KCNIP1: variants seen among roughly 807,000 people sequenced by gnomAD.
KCNIP1 encodes A-type potassium channel modulatory protein KCNIP1.
KCNIP1 carries 18 observed loss-of-function variants against 33.0 expected under a neutral mutation model. That is an observed-to-expected ratio of 0.55 (90% CI 0.38 to 0.81). The LOEUF (loss-of-function observed/expected upper bound fraction) is 0.81. KCNIP1 is among the 30% of genes least tolerant of loss of function. The pLI, the probability that KCNIP1 is intolerant of heterozygous loss-of-function variation, is 0.00. For missense variants in KCNIP1, 238 were observed against 271.6 expected, an observed-to-expected ratio of 0.88 and a Z score of 0.87; for synonymous variants, 93 against 98.3, an observed-to-expected ratio of 0.95 and a Z score of 0.32.
intron 1 of KCNIP1, among the ~76,000 whole-genome samples, chr5:170,531,647 C>T (rs1417831161): frequency 2.0e-5 from 3 of 152,180 alleles, no homozygotes; most frequent in East Asian, 1.9e-4. Context: ...TTTGATAATT[C>T]GCTTTGTTGA....
intron 5 of KCNIP1, among the ~76,000 whole-genome samples, chr5:170,728,452 T>C (rs865818945): frequency 1.3e-5 from 2 of 152,206 alleles, no homozygotes; most frequent in African/African-American, 4.8e-5. Flanking sequence ...GAAAATCAAC[T>C]TAAAACAACT....
At chr5:170,704,458 G>C (rs1439514725) in intron 1 of KCNIP1, among the ~76,000 whole-genome samples, 2 of 107,226 alleles carry the variant, frequency 1.9e-5, no homozygotes, top group Admixed American at 8.2e-5. Flanking sequence ...TACCTCACAG[G>C]GGTTAAGCAA....
At chr5:170,520,718 G>A (rs7443451) in intron 1 of KCNIP1, among the ~76,000 whole-genome samples, 41,009 of 152,016 alleles carry the variant, frequency 0.27, 5,726 homozygotes, top group East Asian at 0.45. Flanking sequence ...CCTCACTCTC[G>A]CCCACCATTG....
upstream of KCNIP1, chr5:170,503,962 C>G: frequency 6.1e-6 from 5 of 816,620 alleles, no homozygotes; most frequent in African/African-American, 1.9e-5. Flanking sequence ...CTCGCCCCCG[C>G]CCCGCCCCTC....
rs11299791 is a variant in KCNIP1 at position 170,674,975 on chromosome 5, G to GT, written c.62-43770dup. Among the ~76,000 whole-genome samples, 803 of 145,782 alleles carry GT rather than the reference G, an allele frequency of 5.5e-3. 4 individuals are homozygous for GT. The highest frequency in any genetic ancestry group is 0.022 in the East Asian group (109 of 4,988). On this transcript the variant is annotated intron_variant, in intron 1 of 7. Coordinates refer to ENST00000328939, the MANE Select transcript of KCNIP1 (RefSeq NM_014592.4). ...CTAGATGCACAGAGGGTTTTGTTTTGTTTTTTTTTTTTTAACCTTTCAGCA... is the reference window on the plus strand; with the variant it reads ...CTAGATGCACAGAGGGTTTTGTTTTGTTTTTTTTTTTTTTAACCTTTCAGCA...
chr5:170,394,881 G>C (rs948289866), intron 1 of KCNIP1, among the ~76,000 whole-genome samples: 1 of 152,162 alleles, frequency 6.6e-6, no homozygotes, highest in Non-Finnish European at 1.5e-5. Context: ...AATTTGCTTA[G>C]CATAATGGCC....
At chr5:170,594,624 C>A (rs2113562777) in intron 1 of KCNIP1, among the ~76,000 whole-genome samples, 1 of 152,324 alleles carries the variant, frequency 6.6e-6, no homozygotes, top group South Asian at 2.1e-4. Context: ...AATTCTCCTG[C>A]CTCAGCCTCC....
chr5:170,626,170 C>T (rs565717363), intron 1 of KCNIP1, among the ~76,000 whole-genome samples: 1 of 152,292 alleles, frequency 6.6e-6, no homozygotes, highest in South Asian at 2.1e-4. Flanking sequence ...CAACTGTATG[C>T]ATGCCAGGCC....
chr5:170,552,023 A>ATG (rs35576706), intron 1 of KCNIP1, among the ~76,000 whole-genome samples: 30,223 of 148,680 alleles, frequency 0.2, 4,001 homozygotes, highest in African/African-American at 0.39. Context: ...GTGAGAGAGA[A>ATG]TGTGTGTGTG....
chr5:170,358,647 G>C (rs1343998899), intron 1 of KCNIP1, among the ~76,000 whole-genome samples: 5 of 152,220 alleles, frequency 3.3e-5, no homozygotes, highest in Non-Finnish European at 7.3e-5. Context: ...ATGAGTAAGA[G>C]ATATCAGCTC....
intron 1 of KCNIP1, among the ~76,000 whole-genome samples, chr5:170,596,510 G>A (rs1180900895): frequency 6.6e-6 from 1 of 152,238 alleles, no homozygotes; most frequent in African/African-American, 2.4e-5. Flanking sequence ...TTAAGCCACA[G>A]TAGGGAAGAG....
chr5:170,376,150 C>CTTTTTTTTTT (rs397885011), intron 1 of KCNIP1: 7 of 70,640 alleles, frequency 9.9e-5, no homozygotes, highest in Non-Finnish European at 1.1e-4. Flanking sequence ...ATGACTTATT[C>CTTTTTTTTTT]TTTTTTTTTT....
rs1004471763 is a variant in KCNIP1, at chr5:170,489,397, G to A, written c.88+135433G>A. 2.0e-5 allele frequency among the ~76,000 whole-genome samples: 3 copies of A among 152,198 alleles called. No individual in the cohort carries two copies. Among genetic ancestry groups the A allele is most frequent in the Admixed American group, 6.5e-5 (1 of 15,290 alleles). On this transcript the variant is annotated intron_variant, in intron 1 of 7. Coordinates refer to the KCNIP1 transcript ENST00000377360. The surrounding 1 kb of genome is among the most constrained non-coding windows in gnomAD (Gnocchi z 4.3). ...GGGCTGTCCTGCAGGTAAGGGCCTC[G>A]TGCAGGAGGCCCCTGGGCAAGGGCC...
chr5:170,470,618 G>C (rs549398620), intron 1 of KCNIP1, among the ~76,000 whole-genome samples: 1 of 152,326 alleles, frequency 6.6e-6, no homozygotes, highest in South Asian at 2.1e-4. Flanking sequence ...GGTAGAGGGG[G>C]AGAGGTTACA....
In KCNIP1 at chr5:170,504,427, C is replaced by A; in HGVS notation, c.-146C>A. ...GCCAGAAGCCTCCTAGCCTCGCCTCCACGCTTGCTGAATACCAAGCTGCAG... is the reference window on the plus strand; with the variant it reads ...GCCAGAAGCCTCCTAGCCTCGCCTCAACGCTTGCTGAATACCAAGCTGCAG... On this transcript the variant is annotated 5_prime_UTR_variant, in exon 1 of 8. Coordinates refer to ENST00000328939, the MANE Select transcript of KCNIP1 (RefSeq NM_014592.4). This position sits in a 1 kb window ranked among gnomAD's most constrained non-coding sequence, Gnocchi z 6.0. 6.0e-6 allele frequency: 9 copies of A among 1,488,768 alleles called. No homozygotes were observed. Among genetic ancestry groups the A allele is most frequent in the Non-Finnish European group, 8.0e-6 (9 of 1,126,896 alleles). The allele number at this position is 1,488,768 out of a possible 1,614,324, so 92.2% of individuals were successfully genotyped here. A position where few individuals can be genotyped will look rare whatever the true frequency, so the allele number is the denominator to read the frequency against.
At chr5:170,410,684 C>A (rs1755162729) in intron 1 of KCNIP1, among the ~76,000 whole-genome samples, 1 of 151,992 alleles carries the variant, frequency 6.6e-6, no homozygotes. Context: ...TCTCTGTGGG[C>A]AATGTGCTCT....
At chr5:170,492,051 C>T (rs1275636386) in intron 1 of KCNIP1, among the ~76,000 whole-genome samples, 1 of 152,122 alleles carries the variant, frequency 6.6e-6, no homozygotes. Flanking sequence ...TTCTGGGTAC[C>T]CAACAATTCA....
intron 1 of KCNIP1, among the ~76,000 whole-genome samples, chr5:170,470,249 C>T (rs940904117): frequency 6.6e-6 from 1 of 152,114 alleles, no homozygotes; most frequent in Non-Finnish European, 1.5e-5. Context: ...TGTCCCCTTG[C>T]CCAGGAAACC....
At chr5:170,446,414 CAAA>C (rs11341637) in intron 1 of KCNIP1, among the ~76,000 whole-genome samples, 34 of 148,640 alleles carry the variant, frequency 2.3e-4, no homozygotes, top group Non-Finnish European at 2.4e-4. Flanking sequence ...ACCTTGCTGA[CAAA>C]AAAAAAAAAA....
Sources: gnomAD v4.1 joint callset for allele counts (sites outside exome capture counted in the v4.1 genomes callset) on GRCh38, gnomAD v4.1.1 for gene constraint, Gnocchi (gnomAD v3.1) non-coding constraint, MANE v1.5 for transcripts, NCBI Gene and HGNC (gene_info 2026-07-23, HGNC 2026-07-21) for gene names.